Variants in SCNN1B observed in about 807,000 individuals in gnomAD.
The protein encoded by SCNN1B is epithelial sodium channel subunit beta.
A neutral mutation model predicts 65.3 loss-of-function variants in SCNN1B; 46 were observed. The ratio of observed to expected loss-of-function variants is 0.70; its 90% CI spans 0.56 to 0.90. SCNN1B has a LOEUF of 0.90. SCNN1B is among the 40% of genes least tolerant of loss of function. SCNN1B has a pLI of 0.00. For missense variants in SCNN1B, 751 were observed against 830.5 expected, an observed-to-expected ratio of 0.90 and a Z score of 1.18; for synonymous variants, 349 against 330.6, an observed-to-expected ratio of 1.06 and a Z score of -0.60.
At chr16:23,355,574 GTTCCAATCCTGCCCAGCCAC>G in intron 4 of SCNN1B, 85 bp downstream of exon 4, 1 of 1,389,290 alleles carries the variant, frequency 7.2e-7, no homozygotes, top group East Asian at 2.3e-5. Flanking sequence ...GCCTGCCAGG[GTTCCAATCCTGCCCAGCCAC>G]TTACCGGCTA....
At chr16:23,278,945 A>G (rs1174819161) in intron 1 of SCNN1B, among the ~76,000 whole-genome samples, 1 of 151,988 alleles carries the variant, frequency 6.6e-6, no homozygotes, top group Non-Finnish European at 1.5e-5. Flanking sequence ...GCCTCTAAAA[A>G]AATAAAAAAT....
At chr16:23,352,722 T>C (rs1304876558) in intron 2 of SCNN1B, 79 bp from the exon 3 acceptor site, 2 of 1,491,782 alleles carry the variant, frequency 1.3e-6, no homozygotes, top group Non-Finnish European at 1.9e-6. Flanking sequence ...CAGACTACTA[T>C]GGAGTGGGTC....
chr16:23,287,070 T>C (rs1229913168), intron 2 of SCNN1B, among the ~76,000 whole-genome samples: 1 of 150,732 alleles, frequency 6.6e-6, no homozygotes, highest in Non-Finnish European at 1.5e-5. Flanking sequence ...AATGGGGTGA[T>C]CTCCACTCAC....
At chr16:23,332,963 C>T (rs766196653) in intron 1 of SCNN1B, among the ~76,000 whole-genome samples, 6 of 152,006 alleles carry the variant, frequency 3.9e-5, no homozygotes, top group East Asian at 1.9e-4. Context: ...CCAGCTTACT[C>T]GGGAGGTTGA....
At chr16:23,327,885 T>G (rs1463611657) in intron 1 of SCNN1B, among the ~76,000 whole-genome samples, 7 of 152,230 alleles carry the variant, frequency 4.6e-5, no homozygotes, top group Non-Finnish European at 7.3e-5. Flanking sequence ...AGGAAGGTTT[T>G]CCTCACAGCT....
upstream of SCNN1B, among the ~76,000 whole-genome samples, chr16:23,301,937 C>T (rs1050527379): frequency 6.6e-6 from 1 of 152,036 alleles, no homozygotes; most frequent in Non-Finnish European, 1.5e-5. Context: ...TACTGGTGAG[C>T]GCGATGCTTC....
intron 2 of SCNN1B, among the ~76,000 whole-genome samples, chr16:23,351,479 C>A (rs953985250): frequency 2.6e-5 from 4 of 152,180 alleles, no homozygotes; most frequent in African/African-American, 9.7e-5. Flanking sequence ...CAGACGCCAC[C>A]CTTCCCCATC....
chr16:23,348,577 C>T lies in SCNN1B; in HGVS notation c.-8-15C>T. Reference sequence around the variant, plus strand: ...TGGTGTCCCAGCTGATGTGCGTCCCCATGCCTCTCTGCAGGTGCCACTATG... The same window carrying T: ...TGGTGTCCCAGCTGATGTGCGTCCCTATGCCTCTCTGCAGGTGCCACTATG... On this transcript the variant is annotated splice_polypyrimidine_tract_variant and intron_variant, in intron 1 of 12. Transcript: ENST00000343070. The surrounding 1 kb of genome is among the most constrained non-coding windows in gnomAD (Gnocchi z 4.5). 6.2e-7 allele frequency: 1 copy of T among 1,611,652 alleles called. No individual in the cohort carries two copies. Among genetic ancestry groups the T allele is most frequent in the Non-Finnish European group, 8.5e-7 (1 of 1,179,638 alleles).
intron 5 of SCNN1B, among the ~76,000 whole-genome samples, chr16:23,368,528 GGTGTTCCT>G (rs1405293950): frequency 3.1e-4 from 47 of 152,224 alleles, no homozygotes; most frequent in African/African-American, 1.1e-3. Context: ...TTACTTGGGT[GGTGTTCCT>G]GAGCTCCAGA....
chr16:23,339,043 A>C (rs912229722), intron 1 of SCNN1B, among the ~76,000 whole-genome samples: 17 of 152,192 alleles, frequency 1.1e-4, no homozygotes, highest in African/African-American at 4.1e-4. Flanking sequence ...CTACTCACCC[A>C]AGGCCCAGAT....
At chr16:23,357,214 G>T (rs1375410839) in intron 4 of SCNN1B, among the ~76,000 whole-genome samples, 1 of 152,234 alleles carries the variant, frequency 6.6e-6, no homozygotes, top group African/African-American at 2.4e-5. Context: ...GTTGCAGGCA[G>T]CTCTCTGAAC....
At chr16:23,282,414 G>A (rs182553341) in intron 1 of SCNN1B, among the ~76,000 whole-genome samples, 9 of 152,228 alleles carry the variant, frequency 5.9e-5, no homozygotes, top group Non-Finnish European at 8.8e-5. Flanking sequence ...CCATTTTCCT[G>A]ATACAAAGGC....
intron 6 of SCNN1B, 133 bp from the exon 7 acceptor site, chr16:23,371,643 C>A: frequency 1.0e-6 from 1 of 989,330 alleles, no homozygotes; most frequent in African/African-American, 1.7e-5. Flanking sequence ...CCCTCTGGCG[C>A]CCCCTCTGGC....
rs1962780585 is a variant in SCNN1B at position 23,371,402 on chromosome 16, C to T, written c.984C>T (p.Phe328=). 6.2e-7 allele frequency: 1 copy of T among 1,614,128 alleles called. No individual in the cohort carries two copies. The highest frequency in any genetic ancestry group is 8.5e-7 in the Non-Finnish European group (1 of 1,179,988). ...TTCACGAGCAGAGGTCATACCCCTT[C>T]ATCAGAGATGAGGGCATCTACGCCA... is the stretch of plus-strand genomic sequence containing the variant. ...LMLHEQRSYP[F]IRDEGIYAMS... Residue 328 remains phenylalanine (F), a synonymous_variant, in exon 6 of 13, where the codon TTC becomes TTT. Transcript: ENST00000343070.
chr16:23,347,474 C>T (rs1962214032), intron 1 of SCNN1B, among the ~76,000 whole-genome samples: 1 of 152,204 alleles, frequency 6.6e-6, no homozygotes, highest in African/African-American at 2.4e-5. Flanking sequence ...ATCAATTTCA[C>T]CATAGGCTAA....
chr16:23,350,591 G>T (rs1962287396), intron 2 of SCNN1B, among the ~76,000 whole-genome samples: 1 of 152,166 alleles, frequency 6.6e-6, no homozygotes, highest in Non-Finnish European at 1.5e-5. Context: ...TGAAAGAAGG[G>T]CTGAGTCACA....
At chr16:23,292,418 C>T (rs532619170) in intron 2 of SCNN1B, among the ~76,000 whole-genome samples, 6 of 151,964 alleles carry the variant, frequency 3.9e-5, no homozygotes, top group South Asian at 4.2e-4. Flanking sequence ...AGGATGGTCT[C>T]GATCTCCTGA....
intron 1 of SCNN1B, among the ~76,000 whole-genome samples, chr16:23,319,829 G>T (rs533580577): frequency 2.0e-5 from 3 of 151,922 alleles, no homozygotes; most frequent in African/African-American, 7.3e-5. Context: ...GTGCAGTGGC[G>T]CAATCTTGGC....
At chr16:23,368,387 C>T (rs947954921) in intron 5 of SCNN1B, among the ~76,000 whole-genome samples, 4 of 151,924 alleles carry the variant, frequency 2.6e-5, no homozygotes, top group African/African-American at 4.8e-5. Flanking sequence ...AAAAAAAATA[C>T]AAAAATTAGC....
Sources: gnomAD v4.1 joint callset for allele counts (sites outside exome capture counted in the v4.1 genomes callset) on GRCh38, gnomAD v4.1.1 for gene constraint, Gnocchi (gnomAD v3.1) non-coding constraint, MANE v1.5 for transcripts, NCBI Gene and HGNC (gene_info 2026-07-23, HGNC 2026-07-21) for gene names.